The following ADGRD1 variants were observed in gnomAD, a reference collection of about 807,000 sequenced individuals.
The protein encoded by ADGRD1 is G-protein coupled receptor 133.
ADGRD1 carries 77 observed loss-of-function variants against 113.4 expected under a neutral mutation model. The ratio of observed to expected loss-of-function variants is 0.68; its 90% CI spans 0.57 to 0.82. The LOEUF (loss-of-function observed/expected upper bound fraction) is 0.82, where lower values mean the gene tolerates loss of function less well. ADGRD1 is among the 40% of genes least tolerant of loss of function. The pLI is 0.00. For missense variants in ADGRD1, 1,036 were observed against 1,139.1 expected (o/e 0.91, Z 1.30); for synonymous variants, 474 against 475.0 (o/e 1.00, Z 0.03).
chr12:131,053,362 C>T (rs547727058), intron 13 of ADGRD1, among the ~76,000 whole-genome samples: 1 of 152,330 alleles, frequency 6.6e-6, no homozygotes, highest in African/African-American at 2.4e-5. Context: ...CTTGGAAACC[C>T]GTCTTCATTC....
At chr12:131,010,769 C>T (rs1346745143) in intron 12 of ADGRD1, among the ~76,000 whole-genome samples, 1 of 151,986 alleles carries the variant, frequency 6.6e-6, no homozygotes, top group East Asian at 1.9e-4. Flanking sequence ...CTCTGGGGGA[C>T]AGCACAGTCA....
intron 20 of ADGRD1, among the ~76,000 whole-genome samples, chr12:131,125,028 C>G (rs1950708715): frequency 1.3e-5 from 2 of 152,170 alleles, no homozygotes; most frequent in Admixed American, 6.5e-5. Context: ...AGATAACTGT[C>G]TTTTCCCTGT....
intron 13 of ADGRD1, among the ~76,000 whole-genome samples, chr12:131,064,126 A>G (rs544185387): frequency 4.2e-4 from 64 of 152,354 alleles, no homozygotes; most frequent in Admixed American, 9.8e-4. Context: ...CCATCTGCAG[A>G]TAGGGACAGT....
At chr12:130,969,294 G>A in intron 3 of ADGRD1, 1 of 503,466 alleles carries the variant, frequency 2.0e-6, no homozygotes, top group Non-Finnish European at 3.5e-6. Context: ...CCAGTCCCTG[G>A]GCCACAGACT....
chr12:130,975,840 C>T (rs781311567), intron 4 of ADGRD1, among the ~76,000 whole-genome samples: 41 of 152,188 alleles, frequency 2.7e-4, no homozygotes, highest in Admixed American at 2.3e-3. Context: ...AATTCCGTCT[C>T]GAGTAACTTC....
At chr12:131,090,027 G>A (rs1363812842) in intron 15 of ADGRD1, among the ~76,000 whole-genome samples, 1 of 152,186 alleles carries the variant, frequency 6.6e-6, no homozygotes, top group African/African-American at 2.4e-5. Flanking sequence ...TGTGTTTGTG[G>A]TAGAGGAAGG....
At chr12:131,043,677 G>A (rs3847692) in intron 13 of ADGRD1, among the ~76,000 whole-genome samples, 4,381 of 152,358 alleles carry the variant, frequency 0.029, 98 homozygotes, top group Middle Eastern at 0.085. Context: ...AGGGCCCTGC[G>A]CACGCACACA....
intron 12 of ADGRD1, among the ~76,000 whole-genome samples, chr12:131,010,781 G>A (rs942850299): frequency 6.6e-6 from 1 of 152,138 alleles, no homozygotes; most frequent in Non-Finnish European, 1.5e-5. Context: ...GCACAGTCAC[G>A]GGCCAGGAAC....
intron 13 of ADGRD1, among the ~76,000 whole-genome samples, chr12:131,047,577 C>T (rs1407579382): frequency 1.3e-5 from 2 of 152,154 alleles, no homozygotes; most frequent in African/African-American, 4.8e-5. Flanking sequence ...GTTGCACCGC[C>T]CTGTGAGCTC....
intron 11 of ADGRD1, 92 bp downstream of exon 11, chr12:131,004,388 G>C: frequency 1.0e-6 from 1 of 957,582 alleles, no homozygotes; most frequent in Non-Finnish European, 1.6e-6. Context: ...CACCGCGCCA[G>C]GGAGCTGCGG....
rs1886299462 is a variant in ADGRD1, at chr12:131,084,407, C to T, written c.1548-133C>T. Reference sequence around the variant, plus strand: ...ACCCCCACACCACGGTCTGGGTGTGCATTCCTGGCGTGGCAGGTGTGGGCG... The same window carrying T: ...ACCCCCACACCACGGTCTGGGTGTGTATTCCTGGCGTGGCAGGTGTGGGCG... On this transcript the variant is annotated intron_variant, in intron 14 of 24. Transcript: ENST00000261654. The surrounding 1 kb of genome is among the most constrained non-coding windows in gnomAD (Gnocchi z 4.5). 1.1e-6 allele frequency: 1 copy of T among 880,670 alleles called. No individual in the cohort carries two copies. Among genetic ancestry groups the T allele is most frequent in the Non-Finnish European group, 1.8e-6 (1 of 550,790 alleles). The allele number at this position is 880,670 out of a possible 1,614,324, so 54.6% of individuals were successfully genotyped here.
At chr12:130,986,691 A>T in intron 5 of ADGRD1, 1 of 187,156 alleles carries the variant, frequency 5.3e-6, no homozygotes, top group South Asian at 1.2e-4. Flanking sequence ...GTACAATGTT[A>T]AAAAGGAGTG....
intron 13 of ADGRD1, among the ~76,000 whole-genome samples, chr12:131,028,852 C>T (rs1174551969): frequency 2.0e-5 from 3 of 152,206 alleles, no homozygotes; most frequent in Non-Finnish European, 4.4e-5. Context: ...CTCGTGTAAA[C>T]CCTCCAGCTT....
chr12:131,023,622 G>A (rs1879588465), intron 13 of ADGRD1: 1 of 152,154 alleles, frequency 6.6e-6, no homozygotes, highest in South Asian at 2.1e-4. Flanking sequence ...CATCCGCAGA[G>A]GCCTTCCAGC....
chr12:131,021,676 G>A (rs1163089313), intron 13 of ADGRD1, among the ~76,000 whole-genome samples: 2 of 152,048 alleles, frequency 1.3e-5, no homozygotes, highest in African/African-American at 4.8e-5. Flanking sequence ...TCCTCACATG[G>A]TCGTCCCTCG....
At chr12:131,048,321 G>A (rs1227534227) in intron 13 of ADGRD1, among the ~76,000 whole-genome samples, 6 of 152,204 alleles carry the variant, frequency 3.9e-5, no homozygotes, top group Admixed American at 3.9e-4. Context: ...CAGGGAGCAC[G>A]TTTCCTTTCA....
rs951742455 is a variant in ADGRD1 at position 131,041,744 on chromosome 12, C to T, written c.1473+27404C>T. Among the ~76,000 whole-genome samples the T allele has an allele frequency of 2.0e-5, 3 of 152,204 alleles. No individual in the cohort carries two copies. The highest frequency in any genetic ancestry group is 1.3e-4 in the Admixed American group (2 of 15,284). On this transcript the variant is annotated intron_variant, in intron 13 of 24. Coordinates refer to ENST00000261654, the MANE Select transcript of ADGRD1 (RefSeq NM_198827.5). This position sits in a 1 kb window ranked among gnomAD's most constrained non-coding sequence, Gnocchi z 4.4. ...CGGGGAACACACTGCACGCTGTTGC[C>T]GCAGCCTCCCCCTGCCTGGCGCCTC...
intron 14 of ADGRD1, among the ~76,000 whole-genome samples, chr12:131,082,035 T>C: frequency 6.6e-6 from 1 of 152,132 alleles, no homozygotes; most frequent in Non-Finnish European, 1.5e-5. Context: ...CTCCACCCCT[T>C]TCCCCAGTAA....
At chr12:131,017,382 C>T (rs949834528) in intron 13 of ADGRD1, among the ~76,000 whole-genome samples, 19 of 148,784 alleles carry the variant, frequency 1.3e-4, no homozygotes, top group Admixed American at 2.7e-4. Flanking sequence ...AGTCCACACA[C>T]ACCCAGTCCA....
Sources: allele counts gnomAD v4.1 joint callset (sites outside exome capture counted in the v4.1 genomes callset), GRCh38; gene constraint gnomAD v4.1.1; non-coding constraint Gnocchi (gnomAD v3.1); transcripts MANE v1.5; gene names NCBI Gene and HGNC (gene_info 2026-07-23, HGNC 2026-07-21).